Variants in GALNT8 observed in about 807,000 individuals in gnomAD.
The protein encoded by GALNT8 is probable polypeptide N-acetylgalactosaminyltransferase 8.
GALNT8 carries 66 observed loss-of-function variants against 62.7 expected under a neutral mutation model. The ratio of observed to expected loss-of-function variants is 1.05; its 90% CI spans 0.86 to 1.29. The LOEUF is 1.29. Among genes scored for constraint, GALNT8 ranks in the 50% most tolerant of loss-of-function variants. GALNT8 has a pLI of 0.00. For missense variants in GALNT8, 771 were observed against 791.8 expected, an observed-to-expected ratio of 0.97 and a Z score of 0.32; for synonymous variants, 288 against 294.3, an observed-to-expected ratio of 0.98 and a Z score of 0.22.
In GALNT8 at chr12:4,720,689, G is replaced by A. The variant is rs1946162183; in HGVS notation, c.12G>A (p.Trp4Ter). 1 of 1,610,618 alleles carries A rather than the reference G, an allele frequency of 6.2e-7. No individual in the cohort carries two copies. Among genetic ancestry groups the A allele is most frequent in the Non-Finnish European group, 8.5e-7 (1 of 1,176,834 alleles). MMF[W>*]RKLPKALFIG... ...CCCCCAGGAAGAAGATGATGTTTTG[G>A]AGGAAACTCCCCAAAGCCCTCTTCA... Residue 4 changes from tryptophan to a stop codon, truncating the protein, a stop_gained, in exon 1 of 11, where the codon TGG becomes TGA. Transcript: ENST00000252318. LOFTEE classifies it high-confidence loss of function.
chr12:4,747,013 C>T (rs1946302909), intron 6 of GALNT8, among the ~76,000 whole-genome samples: 1 of 152,194 alleles, frequency 6.6e-6, no homozygotes, highest in Non-Finnish European at 1.5e-5. Context: ...TTGTCTGCCC[C>T]TGACAGCTTC....
chr12:4,723,967 G>A (rs1016754059), intron 1 of GALNT8, among the ~76,000 whole-genome samples: 11 of 151,504 alleles, frequency 7.3e-5, no homozygotes, highest in Non-Finnish European at 1.3e-4. Flanking sequence ...TGGCTAACAC[G>A]GTGAAACCCC....
At chr12:4,740,006 C>T (rs1291922653) in intron 3 of GALNT8, among the ~76,000 whole-genome samples, 2 of 152,044 alleles carry the variant, frequency 1.3e-5, no homozygotes, top group African/African-American at 2.4e-5. Flanking sequence ...AGCCTGGGGG[C>T]TGAAGCAGAG....
At chr12:4,753,979 C>A (rs1380704301) in intron 6 of GALNT8, among the ~76,000 whole-genome samples, 6 of 152,172 alleles carry the variant, frequency 3.9e-5, no homozygotes, top group African/African-American at 1.4e-4. Flanking sequence ...CCGGGAGAAT[C>A]CTGTGGATTA....
chr12:4,752,884 T>C (rs1169694017), intron 6 of GALNT8, among the ~76,000 whole-genome samples: 1 of 152,186 alleles, frequency 6.6e-6, no homozygotes, highest in Non-Finnish European at 1.5e-5. Context: ...CTTTCAGCTT[T>C]TGTTTTTGTG....
rs1323506927 is a variant in GALNT8, at chr12:4,720,777, C to T, written c.100C>T (p.Gln34Ter). The T allele has an allele frequency of 2.5e-5, 40 of 1,612,384 alleles. No homozygotes were observed. Among genetic ancestry groups the T allele is most frequent in the Non-Finnish European group, 3.4e-5 (40 of 1,178,484 alleles). Residue 34 changes from glutamine (Q) to a stop codon, truncating the protein, a stop_gained, in exon 1 of 11, where the codon CAA becomes TAA. Transcript: ENST00000252318. LOFTEE classifies it high-confidence loss of function. ...GGTATTTTCTAGCAAGGGGACTTTA[C>T]AAAACCTGTTTACGGGTGGTCTCCA... ...LLVFSSKGTLQNLFTGGLHRE... is the reference protein window; with the variant it reads ...LLVFSSKGTL
chr12:4,750,700 T>G (rs189148843), intron 6 of GALNT8, among the ~76,000 whole-genome samples: 59 of 152,210 alleles, frequency 3.9e-4, no homozygotes, highest in Middle Eastern at 6.8e-3. Context: ...GTAAAGGGAT[T>G]GCTGGGTTGA....
At chr12:4,748,218 A>T (rs543122789) in intron 6 of GALNT8, among the ~76,000 whole-genome samples, 106 of 152,080 alleles carry the variant, frequency 7.0e-4, no homozygotes, top group African/African-American at 2.4e-3. Context: ...GAAGCTTTTT[A>T]ACTTGATGTT....
chr12:4,723,063 CGT>C (rs945574905), intron 1 of GALNT8, among the ~76,000 whole-genome samples: 23 of 152,250 alleles, frequency 1.5e-4, no homozygotes, highest in African/African-American at 4.1e-4. Context: ...GCACCTTCCA[CGT>C]CCTCCTTCAT....
chr12:4,763,044 G>C (rs1432260748), intron 7 of GALNT8, among the ~76,000 whole-genome samples: 1 of 152,230 alleles, frequency 6.6e-6, no homozygotes. Context: ...TTGAAGTATG[G>C]CTGCTGGGAT....
In GALNT8 at chr12:4,746,183, C is replaced by T. The variant is rs756476303; in HGVS notation, c.1098C>T (p.His366=). 6.2e-7 allele frequency: 1 copy of T among 1,613,390 alleles called. No homozygotes were observed. The highest frequency in any genetic ancestry group is 8.5e-7 in the Non-Finnish European group (1 of 1,179,326). Residue 366 remains histidine, a synonymous_variant, in exon 6 of 11, where the codon CAC becomes CAT. Transcript: ENST00000252318. The part of the protein sequence containing the change: ...SIMGILAANR[H]FLGEIGSLDG... Reference sequence around the variant, plus strand: ...TGGGCATCCTGGCTGCTAACAGGCACTTCCTGGGAGAGATCGGGTCTCTGG... The same window carrying T: ...TGGGCATCCTGGCTGCTAACAGGCATTTCCTGGGAGAGATCGGGTCTCTGG...
intron 2 of GALNT8, among the ~76,000 whole-genome samples, chr12:4,731,769 A>G (rs1483743732): frequency 6.6e-6 from 1 of 152,086 alleles, no homozygotes; most frequent in Non-Finnish European, 1.5e-5. Flanking sequence ...CATTCTGTTA[A>G]TGTGGTTTAT....
chr12:4,733,880 A>C (rs1433023502), intron 2 of GALNT8, among the ~76,000 whole-genome samples: 1 of 152,210 alleles, frequency 6.6e-6, no homozygotes, highest in East Asian at 1.9e-4. Context: ...GTGACCTACC[A>C]GGGAATTCCA....
chr12:4,745,469 G>A lies in GALNT8; in HGVS notation c.901G>A (p.Val301Met), dbSNP rs1261097138. ...GGCTCGGATTCAGGAGGACCGCACT[G>A]TGATTGTGTCTCCTGTGTTTGACAA... is the stretch of plus-strand genomic sequence containing the variant. ...ILARIQEDRT[V>M]IVSPVFDNIR... is the part of the protein sequence containing the mutation. Residue 301 changes from valine (V) to methionine (M), a missense_variant, in exon 5 of 11, where the codon GTG becomes ATG. Val to Met is a conservative substitution (Grantham distance 21). Coordinates refer to ENST00000252318, the MANE Select transcript of GALNT8 (RefSeq NM_017417.2). 1.2e-6 allele frequency: 2 copies of A among 1,613,144 alleles called. No individual in the cohort carries two copies. Among genetic ancestry groups the A allele is most frequent in the Non-Finnish European group, 1.7e-6 (2 of 1,179,182 alleles).
intron 10 of GALNT8, among the ~76,000 whole-genome samples, chr12:4,769,980 ACT>A (rs1175193633): frequency 6.6e-6 from 1 of 152,104 alleles, no homozygotes; most frequent in Non-Finnish European, 1.5e-5. Flanking sequence ...CCTTTTAAAA[ACT>A]CTGACACGCA....
intron 2 of GALNT8, among the ~76,000 whole-genome samples, chr12:4,727,257 C>G (rs892069580): frequency 2.6e-5 from 4 of 151,980 alleles, no homozygotes; most frequent in African/African-American, 9.7e-5. Flanking sequence ...GAAGAGCAAT[C>G]CCTCTCCCTC....
intron 6 of GALNT8, among the ~76,000 whole-genome samples, chr12:4,756,974 G>C (rs1946348030): frequency 6.6e-6 from 1 of 152,124 alleles, no homozygotes; most frequent in Non-Finnish European, 1.5e-5. Flanking sequence ...ATGTCGGGGG[G>C]GTTTTCCCCA....
In GALNT8 at chr12:4,720,889, G is replaced by A; in HGVS notation, c.211+1G>A. ...TTGGAGGTGGAATTGCAGGATCTGA[G>A]TAAGTTTACAATGCTAACCTGGAAG... is the stretch of plus-strand genomic sequence containing the variant. On this transcript the variant is annotated splice_donor_variant, in intron 1 of 10. Transcript: ENST00000252318. LOFTEE classifies it high-confidence loss of function. The A allele has an allele frequency of 1.9e-6, 3 of 1,562,132 alleles. No homozygotes were observed. The highest frequency in any genetic ancestry group is 2.6e-6 in the Non-Finnish European group (3 of 1,133,016).
At chr12:4,753,237 C>T (rs1946329887) in intron 6 of GALNT8, among the ~76,000 whole-genome samples, 1 of 140,190 alleles carries the variant, frequency 7.1e-6, no homozygotes, top group African/African-American at 2.5e-5. Flanking sequence ...GTGTTGTTAT[C>T]CCTTTGAATA....
Sources: allele counts gnomAD v4.1 joint callset (sites outside exome capture counted in the v4.1 genomes callset), GRCh38; gene constraint gnomAD v4.1.1; transcripts MANE v1.5; gene names NCBI Gene and HGNC (gene_info 2026-07-23, HGNC 2026-07-21).